HECW1: variants seen among roughly 807,000 people sequenced by gnomAD.
HECW1 encodes the protein E3 ubiquitin-protein ligase HECW1.
In HECW1, 61 loss-of-function variants were observed where a neutral mutation model predicts 182.3. The ratio of observed to expected loss-of-function variants is 0.33; its 90% CI spans 0.27 to 0.41. HECW1 has a LOEUF of 0.41. HECW1 is among the 10% of genes least tolerant of loss of function. The pLI, the probability that HECW1 is intolerant of heterozygous loss-of-function variation, is 1.00. For missense variants in HECW1, 1,739 were observed against 2,108.9 expected, an observed-to-expected ratio of 0.82 and a Z score of 3.44; for synonymous variants, 859 against 832.6, an observed-to-expected ratio of 1.03 and a Z score of -0.55.
At chr7:43,558,748 C>T (rs10951734) in intron 29 of HECW1, among the ~76,000 whole-genome samples, 45,932 of 151,796 alleles carry the variant, frequency 0.3, 7,172 homozygotes, top group East Asian at 0.41. Context: ...TCAGGGAGCT[C>T]AGCAGAGAAA....
At chr7:43,188,494 C>T (rs1793615793) in intron 2 of HECW1, among the ~76,000 whole-genome samples, 1 of 152,110 alleles carries the variant, frequency 6.6e-6, no homozygotes, top group Non-Finnish European at 1.5e-5. Context: ...AATCACTAAC[C>T]TAGGGCTGTA....
intron 24 of HECW1, among the ~76,000 whole-genome samples, chr7:43,526,989 G>T (rs932046955): frequency 6.6e-6 from 1 of 152,162 alleles, no homozygotes; most frequent in East Asian, 1.9e-4. Context: ...GTGAGACTCT[G>T]TCTCAAAAAA....
intron 14 of HECW1, among the ~76,000 whole-genome samples, chr7:43,465,852 C>T (rs576467080): frequency 2.6e-5 from 4 of 151,790 alleles, no homozygotes; most frequent in South Asian, 2.1e-4. Context: ...TGCAATTGCG[C>T]GGCTGCACTC....
chr7:43,175,813 T>G (rs1792177425), intron 2 of HECW1, among the ~76,000 whole-genome samples: 1 of 152,088 alleles, frequency 6.6e-6, no homozygotes, highest in Admixed American at 6.5e-5. Flanking sequence ...CATGACGGCT[T>G]TTGGTTGTTC....
intron 3 of HECW1, among the ~76,000 whole-genome samples, chr7:43,261,099 G>T (rs1801118246): frequency 6.6e-6 from 1 of 152,286 alleles, no homozygotes; most frequent in Admixed American, 6.5e-5. Flanking sequence ...AAGTTCTTGG[G>T]CTCTGCACTA....
In HECW1 at chr7:43,416,849, C is replaced by T. The variant is rs530952906; in HGVS notation, c.801+9118C>T. Among the ~76,000 whole-genome samples, 9 of 26,434 alleles carry T rather than the reference C, an allele frequency of 3.4e-4. No individual in the cohort carries two copies. In the South Asian group the frequency reaches 8.4e-3, roughly 25 times the overall value. 17.3% of individuals were successfully genotyped at this position (26,434 alleles called of 152,430 possible). On this transcript the variant is annotated intron_variant, in intron 8 of 29. Coordinates refer to ENST00000395891, the MANE Select transcript of HECW1 (RefSeq NM_015052.5). ...GGAAAGGGAACTCCCTGGCCCCTTG[C>T]GCTTCCCAGGTGAGGCAATGCTCGC...
chr7:43,183,116 A>G (rs146653152), intron 2 of HECW1, among the ~76,000 whole-genome samples: 148 of 152,306 alleles, frequency 9.7e-4, no homozygotes, highest in African/African-American at 3.2e-3. Flanking sequence ...GGGTAAGTAC[A>G]GAGTTGTGGG....
chr7:43,375,764 G>A (rs2074296155), intron 6 of HECW1, among the ~76,000 whole-genome samples: 1 of 151,620 alleles, frequency 6.6e-6, no homozygotes, highest in African/African-American at 2.4e-5. Context: ...ATGATAGCAT[G>A]TGCCTGTAAT....
intron 2 of HECW1, among the ~76,000 whole-genome samples, chr7:43,158,658 C>A (rs1241566150): frequency 3.3e-5 from 5 of 152,130 alleles, no homozygotes; most frequent in Non-Finnish European, 5.9e-5. Context: ...TCCCATCTAC[C>A]CCTCCAATCC....
At chr7:43,308,805 A>G (rs1808127783) in intron 3 of HECW1, among the ~76,000 whole-genome samples, 2 of 152,160 alleles carry the variant, frequency 1.3e-5, no homozygotes, top group African/African-American at 2.4e-5. Context: ...TACTTTTAGT[A>G]GAGACGGGGC....
chr7:43,209,871 G>A (rs574994081), intron 2 of HECW1, among the ~76,000 whole-genome samples: 1 of 152,278 alleles, frequency 6.6e-6, no homozygotes, highest in Admixed American at 6.5e-5. Flanking sequence ...CCGGGCATTG[G>A]CGTTCACCCC....
At chr7:43,429,371 C>T (rs774603780) in intron 8 of HECW1, among the ~76,000 whole-genome samples, 16 of 140,576 alleles carry the variant, frequency 1.1e-4, no homozygotes, top group African/African-American at 1.3e-4. Context: ...ACAAGGCTTA[C>T]GTCTCAGCAG....
In HECW1 at chr7:43,444,934, G is replaced by T. The variant is rs2076999199; in HGVS notation, c.1762G>T (p.Glu588Ter). 1 of 1,589,924 alleles carries T rather than the reference G, an allele frequency of 6.3e-7. No homozygotes were observed. The highest frequency in any genetic ancestry group is 2.2e-5 in the East Asian group (1 of 44,628). The change falls in exon 11 of 30, where the codon GAG (glutamate) becomes TAG (stop). Residue 588 changes from glutamate (E) to a stop codon, truncating the protein, a stop_gained. Transcript: ENST00000395891. LOFTEE classifies it high-confidence loss of function. This position sits in a 1 kb window ranked among gnomAD's most constrained non-coding sequence, Gnocchi z 4.3. ...AGAGGAGGAGGACGGCGCGGAGGAG[G>T]AGTCCACCCTCAAGGACTCCTCGGA... ...AAEEEDGAEE[E>*]STLKDSSEKD... is the part of the protein sequence containing the mutation.
chr7:43,456,464 C>G lies in HECW1; in HGVS notation c.2651+17C>G, dbSNP rs1260846885. 2.5e-6 allele frequency: 4 copies of G among 1,609,552 alleles called. No individual in the cohort carries two copies. The highest frequency in any genetic ancestry group is 3.4e-6 in the Non-Finnish European group (4 of 1,176,750). ...CAACAGGCGGTTGGTGATCAGTATG[C>G]AATGAGCTCCCCTAAACCACAGTGA... On this transcript the variant is annotated intron_variant, in intron 13 of 29. Coordinates refer to ENST00000395891, the MANE Select transcript of HECW1 (RefSeq NM_015052.5).
At chr7:43,180,073 C>T (rs1405403510) in intron 2 of HECW1, among the ~76,000 whole-genome samples, 5 of 152,190 alleles carry the variant, frequency 3.3e-5, no homozygotes, top group African/African-American at 9.7e-5. Context: ...TGCCAGTTTA[C>T]GTTATCTGCC....
intron 24 of HECW1, among the ~76,000 whole-genome samples, chr7:43,525,024 G>A (rs968644157): frequency 6.6e-6 from 1 of 152,138 alleles, no homozygotes; most frequent in Non-Finnish European, 1.5e-5. Flanking sequence ...ATAAAATAGG[G>A]ATTAAAAATT....
intron 8 of HECW1, among the ~76,000 whole-genome samples, chr7:43,408,017 G>A (rs1184657343): frequency 6.6e-6 from 1 of 152,168 alleles, no homozygotes; most frequent in Non-Finnish European, 1.5e-5. Flanking sequence ...TGCCCTTCAT[G>A]TGGGAGAAGG....
At chr7:43,117,426 C>A (rs933596045) in intron 2 of HECW1, among the ~76,000 whole-genome samples, 1 of 151,926 alleles carries the variant, frequency 6.6e-6, no homozygotes, top group African/African-American at 2.4e-5. Context: ...CTGCCACCCC[C>A]CACCCGCCCC....
At chr7:43,263,566 G>C (rs1801421073) in intron 3 of HECW1, among the ~76,000 whole-genome samples, 1 of 152,038 alleles carries the variant, frequency 6.6e-6, no homozygotes, top group South Asian at 2.1e-4. Flanking sequence ...TCACCATATT[G>C]GCCAGGCTGG....
Sources: allele counts gnomAD v4.1 joint callset (sites outside exome capture counted in the v4.1 genomes callset), GRCh38; gene constraint gnomAD v4.1.1; non-coding constraint Gnocchi (gnomAD v3.1); transcripts MANE v1.5; gene names NCBI Gene and HGNC (gene_info 2026-07-23, HGNC 2026-07-21).